Variants in LYPD6 observed in about 807,000 individuals in gnomAD.
The protein encoded by LYPD6 is LY6/PLAUR domain containing 6, also known as ly6/PLAUR domain-containing protein 6.
In LYPD6, 15 loss-of-function variants were observed where a neutral mutation model predicts 22.7. That is an observed-to-expected ratio of 0.66 (90% CI 0.44 to 1.02). The LOEUF (loss-of-function observed/expected upper bound fraction) is 1.02. Ranked by LOEUF, LYPD6 falls within the 50% of genes least tolerant of loss-of-function variation. The pLI is 0.00. For synonymous variants in LYPD6, 72 were observed against 77.5 expected, an observed-to-expected ratio of 0.93 and a Z score of 0.37; for missense variants, 189 against 208.4, an observed-to-expected ratio of 0.91 and a Z score of 0.57.
At chr2:149,437,540 G>C in intron 1 of LYPD6, 98 bp from the exon 2 acceptor site, 1 of 986,512 alleles carries the variant, frequency 1.0e-6, no homozygotes, top group Non-Finnish European at 1.5e-6. Context: ...CTTGTGCCCT[G>C]TTGCTCTCCA....
At chr2:149,432,408 T>C (rs965430892) in intron 1 of LYPD6, among the ~76,000 whole-genome samples, 6 of 151,516 alleles carry the variant, frequency 4.0e-5, no homozygotes, top group African/African-American at 1.5e-4. Context: ...AAACCTCAGA[T>C]TTCTGTGCCA....
At chr2:149,362,096 C>T (rs183981044) in intron 1 of LYPD6, among the ~76,000 whole-genome samples, 1 of 152,284 alleles carries the variant, frequency 6.6e-6, no homozygotes, top group East Asian at 1.9e-4. Flanking sequence ...GATTTTAGCC[C>T]AGTAAGACCC....
intron 1 of LYPD6, among the ~76,000 whole-genome samples, chr2:149,358,890 T>C (rs1681517362): frequency 6.6e-6 from 1 of 152,122 alleles, no homozygotes; most frequent in African/African-American, 2.4e-5. Context: ...GTCCTCTCCA[T>C]TGAGAATTAT....
intron 1 of LYPD6, among the ~76,000 whole-genome samples, chr2:149,348,144 T>C (rs1013751390): frequency 4.0e-5 from 6 of 151,810 alleles, no homozygotes; most frequent in Admixed American, 1.3e-4. Context: ...GTCTCTCTCT[T>C]TAAATACCCA....
intron 1 of LYPD6, among the ~76,000 whole-genome samples, chr2:149,407,032 C>G (rs1475636977): frequency 9.2e-5 from 14 of 152,020 alleles, no homozygotes; most frequent in Admixed American, 2.6e-4. Flanking sequence ...GTTGAAAATT[C>G]TTTTCTTTAA....
chr2:149,352,396 C>T (rs754155044), intron 1 of LYPD6, among the ~76,000 whole-genome samples: 4 of 152,086 alleles, frequency 2.6e-5, no homozygotes, highest in Non-Finnish European at 5.9e-5. Context: ...TAGGAGAGGA[C>T]AGCATGTTCA....
At chr2:149,383,390 G>A (rs1348212811) in intron 1 of LYPD6, among the ~76,000 whole-genome samples, 3 of 152,014 alleles carry the variant, frequency 2.0e-5, no homozygotes, top group Non-Finnish European at 2.9e-5. Context: ...TGGGGGGTAG[G>A]GTGATTGCTT....
At chr2:149,407,321 A>C (rs551083214) in intron 1 of LYPD6, among the ~76,000 whole-genome samples, 1 of 152,322 alleles carries the variant, frequency 6.6e-6, no homozygotes, top group East Asian at 1.9e-4. Flanking sequence ...AATATCCTGC[A>C]GAGTGTTTTC....
At chr2:149,335,123 A>C (rs925302179) in intron 1 of LYPD6, among the ~76,000 whole-genome samples, 1 of 151,644 alleles carries the variant, frequency 6.6e-6, no homozygotes, top group African/African-American at 2.4e-5. Flanking sequence ...TATCTTAGAG[A>C]GAACTCCTAC....
intron 3 of LYPD6, among the ~76,000 whole-genome samples, chr2:149,462,698 C>T (rs1417611928): frequency 6.6e-6 from 1 of 151,936 alleles, no homozygotes; most frequent in African/African-American, 2.4e-5. Context: ...GACTGCGGTA[C>T]TGACAGAGAA....
chr2:149,386,943 C>G (rs1448601859), intron 1 of LYPD6, among the ~76,000 whole-genome samples: 4 of 152,174 alleles, frequency 2.6e-5, no homozygotes, highest in African/African-American at 4.8e-5. Context: ...GGCTCACACA[C>G]CAGCTATCTT....
At chr2:149,459,202 G>C (rs1345079608) in intron 3 of LYPD6, among the ~76,000 whole-genome samples, 4 of 152,160 alleles carry the variant, frequency 2.6e-5, no homozygotes, top group Non-Finnish European at 2.9e-5. Context: ...TGAATGAAAC[G>C]TTTTCATCAG....
At chr2:149,404,901 A>G (rs1682659725) in intron 1 of LYPD6, among the ~76,000 whole-genome samples, 1 of 152,190 alleles carries the variant, frequency 6.6e-6, no homozygotes, top group Admixed American at 6.5e-5. Flanking sequence ...ATTTTGAGAT[A>G]CATCCCATCA....
intron 3 of LYPD6, among the ~76,000 whole-genome samples, chr2:149,456,874 T>C (rs1237208797): frequency 6.6e-6 from 1 of 152,216 alleles, no homozygotes; most frequent in Non-Finnish European, 1.5e-5. Flanking sequence ...GGGTTCTTTG[T>C]AGAAGTGGAA....
chr2:149,402,018 T>C (rs1682567567), intron 1 of LYPD6, among the ~76,000 whole-genome samples: 1 of 152,160 alleles, frequency 6.6e-6, no homozygotes, highest in African/African-American at 2.4e-5. Flanking sequence ...GGATACCTAA[T>C]TCATGAGAGG....
chr2:149,468,855 A>T, intron 4 of LYPD6, 80 bp downstream of exon 4: 2 of 1,455,960 alleles, frequency 1.4e-6, no homozygotes, highest in South Asian at 1.2e-5. Flanking sequence ...TCATGAGCAG[A>T]TTCTTACTCC....
chr2:149,354,467 A>C (rs1329617349), intron 1 of LYPD6, among the ~76,000 whole-genome samples: 6 of 152,072 alleles, frequency 3.9e-5, no homozygotes, highest in Non-Finnish European at 8.8e-5. Context: ...CAGCCTCCCA[A>C]AGTGCTGGCA....
chr2:149,437,242 A>T (rs1027460997), intron 1 of LYPD6, among the ~76,000 whole-genome samples: 9 of 152,192 alleles, frequency 5.9e-5, no homozygotes, highest in African/African-American at 2.2e-4. Flanking sequence ...CCCGTGGCCC[A>T]GTATGGCTGA....
intron 1 of LYPD6, among the ~76,000 whole-genome samples, chr2:149,348,514 G>A (rs888037034): frequency 6.6e-6 from 1 of 152,204 alleles, no homozygotes; most frequent in Non-Finnish European, 1.5e-5. Flanking sequence ...TGTGGGAAGA[G>A]CCCTCCAGGC....
Sources: allele counts gnomAD v4.1 joint callset (sites outside exome capture counted in the v4.1 genomes callset), GRCh38; gene constraint gnomAD v4.1.1; transcripts MANE v1.5; gene names NCBI Gene and HGNC (gene_info 2026-07-23, HGNC 2026-07-21).